Variants in CCDC149 observed in about 807,000 individuals in gnomAD.
The protein encoded by CCDC149 is coiled-coil domain containing 149.
Under a neutral mutation model 59.9 loss-of-function variants are expected in CCDC149, and 45 were observed. The observed-to-expected ratio is 0.75, with a 90% CI of 0.59 to 0.96. CCDC149 has a LOEUF of 0.96. Ranked by LOEUF, CCDC149 falls within the 40% of genes least tolerant of loss-of-function variation. CCDC149 has a pLI of 0.00. For missense variants in CCDC149, 584 were observed against 664.7 expected, an observed-to-expected ratio of 0.88 and a Z score of 1.33; for synonymous variants, 245 against 260.6, an observed-to-expected ratio of 0.94 and a Z score of 0.58.
At chr4:24,895,828 C>T (rs919731254) in intron 1 of CCDC149, among the ~76,000 whole-genome samples, 3 of 152,222 alleles carry the variant, frequency 2.0e-5, no homozygotes, top group African/African-American at 7.2e-5. Context: ...TTCAGGATGA[C>T]CTGACCCCAC....
chr4:24,941,052 G>C (rs1722941223), intron 1 of CCDC149, among the ~76,000 whole-genome samples: 1 of 152,150 alleles, frequency 6.6e-6, no homozygotes, highest in Admixed American at 6.5e-5. Context: ...AGACCTAATA[G>C]ACATCTACAG....
At chr4:24,892,913 C>T (rs1265532463) in intron 1 of CCDC149, among the ~76,000 whole-genome samples, 1 of 152,174 alleles carries the variant, frequency 6.6e-6, no homozygotes, top group Non-Finnish European at 1.5e-5. Flanking sequence ...CAATGACTTT[C>T]TTGCTACATC....
intron 1 of CCDC149, among the ~76,000 whole-genome samples, chr4:24,923,300 CT>C (rs962714754): frequency 1.3e-5 from 2 of 152,326 alleles, no homozygotes; most frequent in Non-Finnish European, 2.9e-5. Flanking sequence ...TCAACAAATA[CT>C]TTCTGAGTTC....
intron 1 of CCDC149, among the ~76,000 whole-genome samples, chr4:24,948,034 C>G (rs1723171463): frequency 1.3e-5 from 2 of 152,126 alleles, no homozygotes; most frequent in Non-Finnish European, 2.9e-5. Flanking sequence ...GCCTTCGTTC[C>G]CTCCCTGTTC....
intron 3 of CCDC149, among the ~76,000 whole-genome samples, chr4:24,864,602 A>C (rs1354925838): frequency 6.6e-6 from 1 of 152,204 alleles, no homozygotes; most frequent in East Asian, 1.9e-4. Flanking sequence ...GTGATAAAAA[A>C]ACTCCGGTCT....
rs181034761 is a variant in CCDC149, at chr4:24,871,003, C to T, written c.264+2678G>A. On this transcript the variant is annotated intron_variant, in intron 3 of 12. Transcript: ENST00000635206. ...CAGCTTGCAGTGAGCTGAGATAGCG[C>T]CACCGCACTCCAGCCTGAGGGACAG... Among the ~76,000 whole-genome samples, 297 of 149,260 alleles carry T rather than the reference C, an allele frequency of 2.0e-3. 1 individual carries two copies. Among genetic ancestry groups the T allele is most frequent in the South Asian group, 0.012 (55 of 4,668 alleles).
chr4:24,873,816 T>TGGGGGCCC, intron 2 of CCDC149, 97 bp from the exon 3 acceptor site: 2 of 762,722 alleles, frequency 2.6e-6, no homozygotes, highest in East Asian at 2.6e-5. Context: ...ATGTAGACTC[T>TGGGGGCCC]CCCCACCCTC....
chr4:24,963,162 T>C (rs1723692272), intron 1 of CCDC149, among the ~76,000 whole-genome samples: 1 of 151,998 alleles, frequency 6.6e-6, no homozygotes. Flanking sequence ...AAGCACTTTT[T>C]AATTCTTCTG....
At chr4:24,856,630 C>T (rs972287047) in intron 3 of CCDC149, among the ~76,000 whole-genome samples, 9 of 152,216 alleles carry the variant, frequency 5.9e-5, no homozygotes, top group Admixed American at 5.2e-4. Flanking sequence ...CATTTGAAAG[C>T]GCAGCTCAAG....
At chr4:24,842,102 CA>C (rs1716973411) in intron 4 of CCDC149, among the ~76,000 whole-genome samples, 1 of 152,184 alleles carries the variant, frequency 6.6e-6, no homozygotes, top group South Asian at 2.1e-4. Flanking sequence ...AAAGGACCAT[CA>C]GGGGGAATTC....
chr4:24,875,274 G>A (rs1480882691), intron 2 of CCDC149, among the ~76,000 whole-genome samples: 1 of 151,212 alleles, frequency 6.6e-6, no homozygotes, highest in Non-Finnish European at 1.5e-5. Context: ...AGCTTGCAGT[G>A]AGCCAAGATC....
At chr4:24,946,919 C>T (rs1480114714) in intron 1 of CCDC149, among the ~76,000 whole-genome samples, 2 of 152,194 alleles carry the variant, frequency 1.3e-5, no homozygotes, top group Non-Finnish European at 2.9e-5. Context: ...CCTCTCCGAA[C>T]TGTGAATTAT....
chr4:24,822,700 T>C (rs569170703), intron 9 of CCDC149, 127 bp from the exon 10 acceptor site: 18 of 565,882 alleles, frequency 3.2e-5, no homozygotes, highest in Non-Finnish European at 5.3e-5. Flanking sequence ...ATGGAGTATT[T>C]GTATGTATGT....
chr4:24,855,565 ACT>A (rs1717948856), intron 3 of CCDC149, among the ~76,000 whole-genome samples: 1 of 80,162 alleles, frequency 1.2e-5, no homozygotes, highest in Non-Finnish European at 2.5e-5. Context: ...ACAAAGAGAG[ACT>A]CTGTCTCAAA....
intron 1 of CCDC149, among the ~76,000 whole-genome samples, chr4:24,969,841 T>C (rs112397814): frequency 1.1e-3 from 162 of 152,324 alleles, no homozygotes; most frequent in African/African-American, 3.6e-3. Flanking sequence ...TGGTTGGCCA[T>C]TGTAGCTCCC....
intron 12 of CCDC149, among the ~76,000 whole-genome samples, chr4:24,816,694 T>C (rs1715033379): frequency 6.6e-6 from 1 of 152,188 alleles, no homozygotes; most frequent in African/African-American, 2.4e-5. Flanking sequence ...TCATTAACAC[T>C]TATTATTAAT....
chr4:24,858,472 T>C (rs1013465057), intron 3 of CCDC149, among the ~76,000 whole-genome samples: 11 of 152,210 alleles, frequency 7.2e-5, no homozygotes, highest in Admixed American at 2.6e-4. Flanking sequence ...AATAGTGGAA[T>C]GTTGAATATA....
At chr4:24,884,266 T>G (rs1427263565) in intron 1 of CCDC149, among the ~76,000 whole-genome samples, 1 of 152,222 alleles carries the variant, frequency 6.6e-6, no homozygotes, top group African/African-American at 2.4e-5. Flanking sequence ...TACACAAACA[T>G]TTACCACTGT....
chr4:24,927,763 C>T (rs1297238070), intron 1 of CCDC149, among the ~76,000 whole-genome samples: 2 of 152,138 alleles, frequency 1.3e-5, no homozygotes, highest in Admixed American at 6.6e-5. Flanking sequence ...GTTCTCTCTA[C>T]ACTCATGCAC....
Sources: gnomAD v4.1 joint callset for allele counts (sites outside exome capture counted in the v4.1 genomes callset) on GRCh38, gnomAD v4.1.1 for gene constraint, MANE v1.5 for transcripts, NCBI Gene and HGNC (gene_info 2026-07-23, HGNC 2026-07-21) for gene names.